Variants in LRRC28 observed in about 807,000 individuals in gnomAD.
LRRC28 encodes leucine-rich repeat-containing protein 28.
LRRC28 carries 39 observed loss-of-function variants against 45.7 expected under a neutral mutation model. The ratio of observed to expected loss-of-function variants is 0.85; its 90% CI spans 0.66 to 1.12. LRRC28 has a LOEUF of 1.12. LRRC28 is among the 50% of genes most tolerant of loss of function. LRRC28 has a pLI of 0.00. For missense variants in LRRC28, 435 were observed against 438.5 expected (o/e 0.99, Z 0.07); for synonymous variants, 206 against 178.8 (o/e 1.15, Z -1.22).
At chr15:99,325,338 T>C (rs1201040252) in intron 5 of LRRC28, among the ~76,000 whole-genome samples, 4 of 152,240 alleles carry the variant, frequency 2.6e-5, no homozygotes, top group Non-Finnish European at 5.9e-5. Flanking sequence ...GTGGATCCCT[T>C]AATTAGTATT....
chr15:99,288,127 A>C (rs2082008100), intron 5 of LRRC28, among the ~76,000 whole-genome samples, 176 bp downstream of exon 5: 1 of 152,214 alleles, frequency 6.6e-6, no homozygotes, highest in Non-Finnish European at 1.5e-5. Context: ...TTGTGATGCA[A>C]ATGTAAGAAG....
intron 2 of LRRC28, among the ~76,000 whole-genome samples, chr15:99,267,005 C>A (rs1391963063): frequency 6.6e-6 from 1 of 152,034 alleles, no homozygotes; most frequent in Admixed American, 6.6e-5. Context: ...GTTTATAGGA[C>A]AAGGGAAAAC....
intron 9 of LRRC28, among the ~76,000 whole-genome samples, chr15:99,371,854 T>G (rs1957492160): frequency 6.6e-6 from 1 of 152,236 alleles, no homozygotes; most frequent in Non-Finnish European, 1.5e-5. Context: ...GTACTGAAAA[T>G]TCTGCTTTGA....
chr15:99,290,564 A>G (rs1249704489), intron 5 of LRRC28, among the ~76,000 whole-genome samples: 1 of 152,214 alleles, frequency 6.6e-6, no homozygotes, highest in African/African-American at 2.4e-5. Context: ...ACATTTTCCT[A>G]TATGAAACTT....
intron 3 of LRRC28, among the ~76,000 whole-genome samples, chr15:99,281,079 G>A (rs376117271): frequency 5.8e-4 from 88 of 151,708 alleles, no homozygotes; most frequent in African/African-American, 2.1e-3. Context: ...CCAGGCTGGA[G>A]TGCAGTGGCT....
intron 2 of LRRC28, among the ~76,000 whole-genome samples, chr15:99,264,898 T>C (rs1442921093): frequency 6.6e-6 from 1 of 152,104 alleles, no homozygotes; most frequent in Middle Eastern, 3.2e-3. Context: ...CATGGAAGGA[T>C]TGACCTTAGG....
At chr15:99,283,431 C>T (rs981909728) in intron 3 of LRRC28, among the ~76,000 whole-genome samples, 2 of 149,618 alleles carry the variant, frequency 1.3e-5, no homozygotes, top group South Asian at 2.1e-4. Flanking sequence ...GACCAACATG[C>T]TGAAACCCCA....
At chr15:99,328,844 G>A (rs1301210796) in intron 5 of LRRC28, among the ~76,000 whole-genome samples, 1 of 151,580 alleles carries the variant, frequency 6.6e-6, no homozygotes, top group Non-Finnish European at 1.5e-5. Context: ...GCCGGGTCCT[G>A]AGGCTTTTGA....
chr15:99,354,019 A>G (rs1956969279), intron 7 of LRRC28: 1 of 152,222 alleles, frequency 6.6e-6, no homozygotes, highest in Non-Finnish European at 1.5e-5. Context: ...CTACTTTTTT[A>G]TTATTAAACT....
intron 9 of LRRC28, among the ~76,000 whole-genome samples, chr15:99,378,283 G>A (rs1442551292): frequency 6.6e-6 from 1 of 152,146 alleles, no homozygotes; most frequent in Non-Finnish European, 1.5e-5. Context: ...GGATTCCTAG[G>A]TATTTTATTC....
chr15:99,258,786 C>T (rs2081103710), intron 2 of LRRC28: 4 of 695,818 alleles, frequency 5.7e-6, no homozygotes, highest in East Asian at 2.8e-5. Flanking sequence ...TTTGTACCCA[C>T]ATTTGTTCCA....
At chr15:99,360,956 A>C (rs1201364785) in intron 7 of LRRC28, 1 of 155,842 alleles carries the variant, frequency 6.4e-6, no homozygotes, top group Non-Finnish European at 1.4e-5. Context: ...GCTGTTACTC[A>C]ACAAAGTACT....
At chr15:99,305,890 G>C (rs1567646450) in intron 5 of LRRC28, among the ~76,000 whole-genome samples, 1 of 152,170 alleles carries the variant, frequency 6.6e-6, no homozygotes, top group African/African-American at 2.4e-5. Flanking sequence ...GCATAACTTC[G>C]CATTTCTCCT....
At chr15:99,300,595 T>C (rs2048302) in intron 5 of LRRC28, among the ~76,000 whole-genome samples, 14,753 of 152,136 alleles carry the variant, frequency 0.097, 1,019 homozygotes, top group East Asian at 0.33. Flanking sequence ...GGGAGGCCGA[T>C]GTGGGTGGAT....
chr15:99,387,695 A>G lies in LRRC28; in HGVS notation c.*1593A>G, dbSNP rs759664043. On this transcript the variant is annotated 3_prime_UTR_variant, in exon 10 of 10. Coordinates refer to ENST00000301981, the MANE Select transcript of LRRC28 (RefSeq NM_144598.5). ...GCTGTGAAGTGATTCTTTTTTTAAA[A>G]TGTTTTTTAATGATGTAAGTTTTCT... is the stretch of plus-strand genomic sequence containing the variant. The G allele has an allele frequency of 7.2e-5, 11 of 152,166 alleles. No homozygotes were observed. The highest frequency in any genetic ancestry group is 1.5e-4 in the Non-Finnish European group (10 of 68,032). The allele number at this position is 152,166 out of a possible 1,614,324, so 9.4% of individuals were successfully genotyped here. A position where few individuals can be genotyped will look rare whatever the true frequency, so the allele number is the denominator to read the frequency against.
chr15:99,302,503 C>T (rs1955020280), intron 5 of LRRC28, among the ~76,000 whole-genome samples: 1 of 152,188 alleles, frequency 6.6e-6, no homozygotes, highest in South Asian at 2.1e-4. Context: ...ATTCTCCTGC[C>T]TCAGCTTCCC....
chr15:99,319,325 G>C (rs1955711072), intron 5 of LRRC28, among the ~76,000 whole-genome samples: 2 of 152,036 alleles, frequency 1.3e-5, no homozygotes, highest in Admixed American at 6.6e-5. Context: ...TGAAAATCTG[G>C]GTATGTGGTC....
intron 7 of LRRC28, among the ~76,000 whole-genome samples, chr15:99,358,967 T>C (rs767073178): frequency 6.6e-6 from 1 of 151,802 alleles, no homozygotes; most frequent in Non-Finnish European, 1.5e-5. Context: ...TCCTAGCTAC[T>C]CAGGAGGCTG....
intron 5 of LRRC28, among the ~76,000 whole-genome samples, chr15:99,293,711 G>A (rs2082195499): frequency 7.0e-6 from 1 of 143,772 alleles, no homozygotes; most frequent in Non-Finnish European, 1.5e-5. Context: ...CAGTCTTGCT[G>A]TGTTGCCCAA....
Sources: gnomAD v4.1 joint callset for allele counts (sites outside exome capture counted in the v4.1 genomes callset) on GRCh38, gnomAD v4.1.1 for gene constraint, MANE v1.5 for transcripts, NCBI Gene and HGNC (gene_info 2026-07-23, HGNC 2026-07-21) for gene names.